PLGRKT: variants seen among roughly 807,000 people sequenced by gnomAD.
PLGRKT encodes plasminogen receptor with a C-terminal lysine.
In PLGRKT, 22 loss-of-function variants were observed where a neutral mutation model predicts 18.5. That is an observed-to-expected ratio of 1.19 (90% confidence interval 0.85 to 1.70). The LOEUF is 1.70. Ranked by LOEUF, PLGRKT falls within the 40% of genes most tolerant of loss-of-function variation. The pLI is 0.00. For missense variants in PLGRKT, 235 were observed against 174.4 expected, an observed-to-expected ratio of 1.35 and a Z score of -1.96; for synonymous variants, 72 against 52.8, an observed-to-expected ratio of 1.36 and a Z score of -1.58.
chr9:5,427,632 A>G (rs1166037212), intron 3 of PLGRKT, among the ~76,000 whole-genome samples: 1 of 152,242 alleles, frequency 6.6e-6, no homozygotes, highest in African/African-American at 2.4e-5. Flanking sequence ...AGGCTTCAGT[A>G]CAATCCATGG....
chr9:5,434,136 CCCG>C (rs1377096048), intron 2 of PLGRKT, among the ~76,000 whole-genome samples: 1 of 144,148 alleles, frequency 6.9e-6, no homozygotes, highest in African/African-American at 2.6e-5. Flanking sequence ...GCGTCTCTGC[CCCG>C]CCGCCACCCC....
chr9:5,429,829 C>T (rs992274124), intron 3 of PLGRKT, among the ~76,000 whole-genome samples: 4 of 152,160 alleles, frequency 2.6e-5, no homozygotes, highest in African/African-American at 9.7e-5. Flanking sequence ...GGGACGCAAT[C>T]GTTGGTCTGC....
chr9:5,359,325 C>T (rs1817209716), intron 5 of PLGRKT, among the ~76,000 whole-genome samples: 1 of 152,134 alleles, frequency 6.6e-6, no homozygotes, highest in South Asian at 2.1e-4. Context: ...GCTGGGATTA[C>T]AGGTGTGAGC....
intron 3 of PLGRKT, among the ~76,000 whole-genome samples, chr9:5,399,327 G>C (rs1818111984): frequency 6.6e-6 from 1 of 151,852 alleles, no homozygotes; most frequent in South Asian, 2.1e-4. Flanking sequence ...TCCTACAGTA[G>C]TTTCCCCCCT....
chr9:5,380,908 G>A (rs908008054), intron 3 of PLGRKT, among the ~76,000 whole-genome samples: 4 of 152,280 alleles, frequency 2.6e-5, no homozygotes, highest in Non-Finnish European at 4.4e-5. Flanking sequence ...GGATCATGGT[G>A]GGTGGTTCCC....
chr9:5,380,925 C>G (rs59341917), intron 3 of PLGRKT, among the ~76,000 whole-genome samples: 1 of 151,846 alleles, frequency 6.6e-6, no homozygotes, highest in South Asian at 2.1e-4. Flanking sequence ...TCCCCCCATG[C>G]TGTTCTCATG....
intron 3 of PLGRKT, among the ~76,000 whole-genome samples, chr9:5,383,130 G>A (rs1009131290): frequency 4.6e-5 from 7 of 152,212 alleles, no homozygotes; most frequent in Non-Finnish European, 8.8e-5. Flanking sequence ...AGAAGGCTGT[G>A]TAAAGATGCA....
At chr9:5,385,667 G>C (rs1817829116) in intron 3 of PLGRKT, among the ~76,000 whole-genome samples, 1 of 151,790 alleles carries the variant, frequency 6.6e-6, no homozygotes, top group African/African-American at 2.4e-5. Context: ...AGTCTCATGA[G>C]TAAGGAGGAA....
intron 3 of PLGRKT, among the ~76,000 whole-genome samples, chr9:5,364,801 G>A (rs114945130): frequency 2.6e-5 from 4 of 152,180 alleles, no homozygotes; most frequent in Non-Finnish European, 5.9e-5. Flanking sequence ...GAAGATGGTG[G>A]AAGCCAGGTT....
chr9:5,427,140 T>C (rs931770865), intron 3 of PLGRKT, among the ~76,000 whole-genome samples: 1 of 152,226 alleles, frequency 6.6e-6, no homozygotes, highest in African/African-American at 2.4e-5. Flanking sequence ...TCATTCTGAG[T>C]AATGTGATAA....
intron 3 of PLGRKT, among the ~76,000 whole-genome samples, chr9:5,376,041 A>G (rs896818844): frequency 1.3e-5 from 2 of 152,360 alleles, no homozygotes; most frequent in Admixed American, 1.3e-4. Context: ...AAATTCTGAC[A>G]CATACAACCA....
At chr9:5,403,751 T>C (rs772253399) in intron 3 of PLGRKT, among the ~76,000 whole-genome samples, 1 of 152,220 alleles carries the variant, frequency 6.6e-6, no homozygotes, top group Non-Finnish European at 1.5e-5. Context: ...AACAAAATGG[T>C]GTGCTTATTA....
At chr9:5,436,039 A>T (rs563527250) in intron 2 of PLGRKT, among the ~76,000 whole-genome samples, 4 of 152,356 alleles carry the variant, frequency 2.6e-5, no homozygotes, top group South Asian at 4.1e-4. Flanking sequence ...ACAATGCTGA[A>T]AAGGCCTGAG....
intron 3 of PLGRKT, among the ~76,000 whole-genome samples, chr9:5,376,767 T>A (rs984836109): frequency 6.6e-6 from 1 of 152,214 alleles, no homozygotes; most frequent in African/African-American, 2.4e-5. Context: ...CATTTCTGTA[T>A]ATACATACAC....
At chr9:5,376,859 G>A (rs144968833) in intron 3 of PLGRKT, among the ~76,000 whole-genome samples, 146 of 152,326 alleles carry the variant, frequency 9.6e-4, no homozygotes, top group Non-Finnish European at 1.8e-3. Flanking sequence ...AACTAGGAAT[G>A]GATGTATCTG....
intron 3 of PLGRKT, among the ~76,000 whole-genome samples, chr9:5,406,615 T>C (rs1429867284): frequency 1.2e-5 from 1 of 83,202 alleles, no homozygotes; most frequent in Non-Finnish European, 2.5e-5. Flanking sequence ...TGGGGGAGGG[T>C]GGGCCAGGGG....
chr9:5,423,014 T>C (rs1586741932), intron 3 of PLGRKT, among the ~76,000 whole-genome samples: 1 of 152,340 alleles, frequency 6.6e-6, no homozygotes, highest in Admixed American at 6.5e-5. Context: ...TTTATCATCA[T>C]GCATATATAA....
rs1470737721 is a variant in PLGRKT at position 5,402,079 on chromosome 9, G to A, written c.81+29818C>T. ...TCAATCTAAAATTGCTAGAAAACTT[G>A]TTACAGTTTAATAAACAATTACTTT... is the stretch of plus-strand genomic sequence containing the variant. On this transcript the variant is annotated intron_variant, in intron 3 of 5. Coordinates refer to ENST00000223864, the MANE Select transcript of PLGRKT (RefSeq NM_018465.4). Among the ~76,000 whole-genome samples the A allele has an allele frequency of 3.3e-5, 5 of 151,988 alleles. 1 individual carries two copies. Among genetic ancestry groups the A allele is most frequent in the African/African-American group, 1.2e-4 (5 of 41,304 alleles).
intron 3 of PLGRKT, among the ~76,000 whole-genome samples, chr9:5,383,434 A>T (rs1817783119): frequency 1.3e-5 from 2 of 152,220 alleles, no homozygotes; most frequent in Non-Finnish European, 2.9e-5. Context: ...TTTCATGGAA[A>T]ACAATTTTTC....
Sources: allele counts gnomAD v4.1 joint callset (sites outside exome capture counted in the v4.1 genomes callset), GRCh38; gene constraint gnomAD v4.1.1; transcripts MANE v1.5; gene names NCBI Gene and HGNC (gene_info 2026-07-23, HGNC 2026-07-21).